Variants in ZNF682 observed in about 807,000 individuals in gnomAD.
The protein encoded by ZNF682 is zinc finger protein 682.
A neutral mutation model predicts 36.5 loss-of-function variants in ZNF682; 29 were observed. The observed-to-expected ratio is 0.80, with a 90% confidence interval of 0.59 to 1.08. The LOEUF is 1.08. ZNF682 is among the 50% of genes least tolerant of loss of function. ZNF682 has a pLI of 0.00. For synonymous variants in ZNF682, 180 were observed against 197.0 expected, an observed-to-expected ratio of 0.91 and a Z score of 0.72; for missense variants, 561 against 579.7, an observed-to-expected ratio of 0.97 and a Z score of 0.33.
At chr19:20,011,428 A>C (rs953811811) in intron 3 of ZNF682, among the ~76,000 whole-genome samples, 3 of 152,232 alleles carry the variant, frequency 2.0e-5, no homozygotes, top group Non-Finnish European at 2.9e-5. Context: ...GAAAACTAAC[A>C]AAGAAATTCT....
downstream of ZNF682, among the ~76,000 whole-genome samples, chr19:20,004,060 G>T (rs79368834): frequency 2.3e-3 from 345 of 152,278 alleles, 2 homozygotes; most frequent in African/African-American, 8.1e-3. Context: ...AAGAGTCTAT[G>T]TGTGTCTGGA....
At chr19:20,010,480 T>C (rs12462818) in intron 3 of ZNF682, among the ~76,000 whole-genome samples, 11,878 of 151,738 alleles carry the variant, frequency 0.078, 696 homozygotes, top group East Asian at 0.2. Context: ...GCCAACATGG[T>C]GAAACCCCGT....
At chr19:20,001,922 A>G (rs780821421), downstream of ZNF682, among the ~76,000 whole-genome samples, 2 of 152,196 alleles carry the variant, frequency 1.3e-5, no homozygotes, top group Non-Finnish European at 2.9e-5. Context: ...GCCTTTGTAA[A>G]GGAAGTTTGT....
At chr19:20,022,800 A>G (rs1240639070) in intron 3 of ZNF682, among the ~76,000 whole-genome samples, 2 of 152,232 alleles carry the variant, frequency 1.3e-5, no homozygotes, top group East Asian at 3.8e-4. Flanking sequence ...GGCTCTCACT[A>G]TAACCTCAAA....
intron 1 of ZNF682, among the ~76,000 whole-genome samples, chr19:20,029,545 G>A (rs1276462768): frequency 6.7e-6 from 1 of 150,016 alleles, no homozygotes; most frequent in Non-Finnish European, 1.5e-5. Context: ...AGGTTGCAGC[G>A]AGCAGAAATC....
At chr19:20,003,742 A>G (rs1312107326), downstream of ZNF682, among the ~76,000 whole-genome samples, 3 of 152,112 alleles carry the variant, frequency 2.0e-5, no homozygotes, top group African/African-American at 7.2e-5. Context: ...TAGGTCTACT[A>G]TCAATACCAG....
chr19:19,999,747 C>A (rs1253769771), downstream of ZNF682, among the ~76,000 whole-genome samples: 2 of 152,178 alleles, frequency 1.3e-5, no homozygotes, highest in Non-Finnish European at 2.9e-5. Flanking sequence ...GTTGGACAGG[C>A]TGGTATCGAA....
At chr19:20,026,249 G>A in intron 1 of ZNF682, among the ~76,000 whole-genome samples, 1 of 151,778 alleles carries the variant, frequency 6.6e-6, no homozygotes, top group Non-Finnish European at 1.5e-5. Context: ...CTTGCAGTGA[G>A]CCGAGATCGC....
At chr19:20,033,099 T>C (rs2017721) in intron 1 of ZNF682, among the ~76,000 whole-genome samples, 121,076 of 151,968 alleles carry the variant, frequency 0.8, 48,440 homozygotes, top group Middle Eastern at 0.89. Flanking sequence ...AACCCCGCCT[T>C]TACTAAAAAT....
intron 1 of ZNF682, chr19:20,030,738 T>C (rs1372682273): frequency 6.6e-6 from 1 of 152,202 alleles, no homozygotes; most frequent in African/African-American, 2.4e-5. Flanking sequence ...CATTTATTCA[T>C]TTGCCACAGA....
At chr19:20,024,842 C>T (rs1464852289) in intron 1 of ZNF682, among the ~76,000 whole-genome samples, 6 of 152,122 alleles carry the variant, frequency 3.9e-5, no homozygotes, top group Non-Finnish European at 5.9e-5. Flanking sequence ...AAAACAGAAT[C>T]CACAAAACCA....
At chr19:20,039,149 C>A (rs1416555794) in intron 1 of ZNF682, 194 bp downstream of exon 1, 2 of 1,397,932 alleles carry the variant, frequency 1.4e-6, no homozygotes, top group African/African-American at 1.5e-5. Flanking sequence ...GGATGCCCGC[C>A]CAGGGTCCCG....
chr19:19,997,260 G>A, exon 4 of ZNF682: 1 of 398,564 alleles, frequency 2.5e-6, no homozygotes, highest in Non-Finnish European at 4.4e-6. Context: ...AACTCTGTAG[G>A]TACCTGAAAT....
chr19:20,008,864 C>T (rs887933661), intron 3 of ZNF682, among the ~76,000 whole-genome samples: 1 of 152,136 alleles, frequency 6.6e-6, no homozygotes, highest in Non-Finnish European at 1.5e-5. Flanking sequence ...AACAAGAATA[C>T]ATTGCTTCAA....
chr19:20,022,907 A>AT (rs2088398406), intron 3 of ZNF682, 97 bp downstream of exon 3: 3 of 1,011,854 alleles, frequency 3.0e-6, no homozygotes, highest in African/African-American at 1.6e-5. Context: ...AATCATCTCC[A>AT]TTGGAGCAGA....
chr19:20,032,954 T>C (rs540386385), intron 1 of ZNF682, among the ~76,000 whole-genome samples: 1 of 152,172 alleles, frequency 6.6e-6, no homozygotes, highest in Middle Eastern at 3.4e-3. Context: ...TTGCTGAAGG[T>C]AGGGTTTTAC....
chr19:20,035,871 G>A (rs2088524801), intron 1 of ZNF682, among the ~76,000 whole-genome samples: 1 of 151,942 alleles, frequency 6.6e-6, no homozygotes, highest in South Asian at 2.1e-4. Flanking sequence ...AAGTAGCAGG[G>A]ATTACAGGCG....
At chr19:20,027,893 C>T (rs543794018) in intron 1 of ZNF682, among the ~76,000 whole-genome samples, 59 of 152,134 alleles carry the variant, frequency 3.9e-4, no homozygotes, top group Non-Finnish European at 6.9e-4. Flanking sequence ...CAGCCTGGGG[C>T]CTGGGTGACG....
At chr19:20,008,882 C>A (rs1440616652) in intron 3 of ZNF682, among the ~76,000 whole-genome samples, 1 of 152,152 alleles carries the variant, frequency 6.6e-6, no homozygotes, top group Non-Finnish European at 1.5e-5. Context: ...CAACATGAAG[C>A]ACTCTATGAA....
Sources: allele counts gnomAD v4.1 joint callset (sites outside exome capture counted in the v4.1 genomes callset), GRCh38; gene constraint gnomAD v4.1.1; transcripts MANE v1.5; gene names NCBI Gene and HGNC (gene_info 2026-07-23, HGNC 2026-07-21).